Variants in OTUD7A observed in about 807,000 individuals in gnomAD.
OTUD7A encodes the protein OTU domain-containing protein 7A.
OTUD7A carries 12 observed loss-of-function variants against 65.7 expected under a neutral mutation model. The ratio of observed to expected loss-of-function variants is 0.18; its 90% CI spans 0.12 to 0.30. The LOEUF is 0.30. OTUD7A is among the 10% of genes least tolerant of loss of function. The probability of loss-of-function intolerance (pLI) is 1.00; values close to 1 mark genes in which losing one functional copy is unlikely to be tolerated. For synonymous variants in OTUD7A, 641 were observed against 586.3 expected, an observed-to-expected ratio of 1.09 and a Z score of -1.35; for missense variants, 1,148 against 1,304.8, an observed-to-expected ratio of 0.88 and a Z score of 1.85.
intron 3 of OTUD7A, among the ~76,000 whole-genome samples, chr15:31,619,389 A>T (rs913913951): frequency 3.9e-5 from 6 of 152,164 alleles, no homozygotes; most frequent in African/African-American, 1.4e-4. Flanking sequence ...GACGATATTG[A>T]TTCTTCCTAT....
At chr15:31,531,879 C>T (rs1446996173) in intron 5 of OTUD7A, among the ~76,000 whole-genome samples, 1 of 152,200 alleles carries the variant, frequency 6.6e-6, no homozygotes, top group African/African-American at 2.4e-5. Context: ...CTTTCACACT[C>T]ATCTGGCTGT....
At chr15:31,636,718 G>C (rs1356019977) in intron 3 of OTUD7A, among the ~76,000 whole-genome samples, 1 of 152,194 alleles carries the variant, frequency 6.6e-6, no homozygotes, top group Admixed American at 6.5e-5. Flanking sequence ...AATTAGTAGT[G>C]CTACTCCAGT....
At chr15:31,535,674 G>GT (rs55826357) in intron 5 of OTUD7A, among the ~76,000 whole-genome samples, 3,390 of 112,006 alleles carry the variant, frequency 0.03, 102 homozygotes, top group Non-Finnish European at 0.043. Context: ...TTCTGTTTTT[G>GT]TTTTTTTTTT....
intron 3 of OTUD7A, among the ~76,000 whole-genome samples, chr15:31,587,419 C>G (rs1230309635): frequency 1.3e-5 from 2 of 151,886 alleles, no homozygotes; most frequent in African/African-American, 4.8e-5. Context: ...AGGTGGATCA[C>G]GAGGTCAGGA....
intron 1 of OTUD7A, among the ~76,000 whole-genome samples, chr15:31,721,694 C>T (rs1294561989): frequency 6.6e-6 from 1 of 151,692 alleles, no homozygotes; most frequent in African/African-American, 2.4e-5. Flanking sequence ...ACGTGATCAA[C>T]AGTTGGTTTC....
chr15:31,612,598 G>T (rs546042250), intron 3 of OTUD7A, among the ~76,000 whole-genome samples: 1 of 152,066 alleles, frequency 6.6e-6, no homozygotes, highest in Non-Finnish European at 1.5e-5. Flanking sequence ...GGAGGAGAAA[G>T]ACCTCTACAA....
chr15:31,811,202 C>G (rs761597127), intron 1 of OTUD7A, among the ~76,000 whole-genome samples: 2 of 151,954 alleles, frequency 1.3e-5, no homozygotes, highest in African/African-American at 2.4e-5. Flanking sequence ...TAGGGAGAGA[C>G]AGTGATGGCT....
chr15:31,639,067 G>A (rs1330540347), intron 3 of OTUD7A, among the ~76,000 whole-genome samples: 1 of 152,010 alleles, frequency 6.6e-6, no homozygotes, highest in Non-Finnish European at 1.5e-5. Context: ...CCGGGAGGCA[G>A]AGCTTGCAGT....
intron 6 of OTUD7A, among the ~76,000 whole-genome samples, chr15:31,529,749 A>C (rs1045848907): frequency 6.6e-6 from 1 of 152,150 alleles, no homozygotes; most frequent in Non-Finnish European, 1.5e-5. Flanking sequence ...CGCAGGTCCA[A>C]AGAGAGAGAG....
chr15:31,542,170 C>T (rs1888005890), intron 5 of OTUD7A, among the ~76,000 whole-genome samples: 1 of 152,036 alleles, frequency 6.6e-6, no homozygotes, highest in Non-Finnish European at 1.5e-5. Context: ...AAACTACAAA[C>T]ACAACAGAAA....
At chr15:31,505,221 G>T (rs2041541418) in intron 8 of OTUD7A, among the ~76,000 whole-genome samples, 1 of 152,084 alleles carries the variant, frequency 6.6e-6, no homozygotes, top group African/African-American at 2.4e-5. Context: ...TAGTAACTTT[G>T]AATTTTTTAA....
chr15:31,740,248 G>A (rs1894303716), intron 1 of OTUD7A, among the ~76,000 whole-genome samples: 1 of 152,184 alleles, frequency 6.6e-6, no homozygotes, highest in African/African-American at 2.4e-5. Flanking sequence ...AGGTGCGTCT[G>A]AGTGCCTGGA....
At chr15:31,830,517 G>A (rs1398864812) in intron 1 of OTUD7A, among the ~76,000 whole-genome samples, 1 of 152,232 alleles carries the variant, frequency 6.6e-6, no homozygotes, top group Non-Finnish European at 1.5e-5. Context: ...AATTTTGAAA[G>A]ATTAGAGAAT....
At chr15:31,811,779 T>C (rs1503021) in intron 1 of OTUD7A, among the ~76,000 whole-genome samples, 144,999 of 152,290 alleles carry the variant, frequency 0.95, 69,415 homozygotes, top group East Asian at 1. Flanking sequence ...GCCAGCTGGC[T>C]AGGCCCTGCT....
At chr15:31,590,341 T>C (rs1289910897) in intron 3 of OTUD7A, among the ~76,000 whole-genome samples, 2 of 152,248 alleles carry the variant, frequency 1.3e-5, no homozygotes, top group Admixed American at 6.5e-5. Flanking sequence ...ATCACATGTC[T>C]CATAAGGTAT....
At chr15:31,664,902 T>G (rs541325555) in intron 1 of OTUD7A, among the ~76,000 whole-genome samples, 4 of 152,328 alleles carry the variant, frequency 2.6e-5, no homozygotes, top group Non-Finnish European at 5.9e-5. Flanking sequence ...CAGCATCGTT[T>G]GCTCAAAAGG....
chr15:31,676,988 A>G (rs981545436), intron 1 of OTUD7A, among the ~76,000 whole-genome samples: 2 of 152,328 alleles, frequency 1.3e-5, no homozygotes, highest in African/African-American at 4.8e-5. Context: ...GATGTTGACC[A>G]TGGCCCTTGC....
intron 3 of OTUD7A, among the ~76,000 whole-genome samples, chr15:31,618,058 T>C (rs1368765292): frequency 6.6e-6 from 1 of 152,192 alleles, no homozygotes; most frequent in Non-Finnish European, 1.5e-5. Context: ...GATAGTTTGC[T>C]GAGAATGATG....
chr15:31,845,146 A>G (rs539237036), intron 1 of OTUD7A, among the ~76,000 whole-genome samples: 17 of 152,330 alleles, frequency 1.1e-4, no homozygotes, highest in Middle Eastern at 6.8e-3. Context: ...CAGCTGGTTT[A>G]AAATAATAAT....
Sources: allele counts gnomAD v4.1 joint callset (sites outside exome capture counted in the v4.1 genomes callset), GRCh38; gene constraint gnomAD v4.1.1; transcripts MANE v1.5; gene names NCBI Gene and HGNC (gene_info 2026-07-23, HGNC 2026-07-21).